Variants in CNBD1 observed in about 807,000 individuals in gnomAD.
The protein encoded by CNBD1 is cyclic nucleotide-binding domain-containing protein 1.
A neutral mutation model predicts 54.4 loss-of-function variants in CNBD1; 71 were observed. That is an observed-to-expected ratio of 1.30 (90% CI 1.08 to 1.59). CNBD1 has a LOEUF of 1.59. CNBD1 is among the 40% of genes most tolerant of loss of function. The probability of loss-of-function intolerance (pLI) is 0.00; values close to 1 mark genes in which losing one functional copy is unlikely to be tolerated. For missense variants in CNBD1, 659 were observed against 518.0 expected (o/e 1.27, Z -2.64); for synonymous variants, 182 against 170.7 (o/e 1.07, Z -0.51).
At chr8:87,303,806 C>T (rs1376348409) in intron 8 of CNBD1, among the ~76,000 whole-genome samples, 2 of 151,192 alleles carry the variant, frequency 1.3e-5, no homozygotes, top group Admixed American at 6.6e-5. Context: ...AAATAAACAA[C>T]CCCATCAACA....
intron 8 of CNBD1, among the ~76,000 whole-genome samples, chr8:87,321,513 A>C (rs918976626): frequency 6.6e-6 from 1 of 152,082 alleles, no homozygotes; most frequent in Non-Finnish European, 1.5e-5. Flanking sequence ...ATCTATTCAA[A>C]TCTCTTGCCC....
intron 6 of CNBD1, among the ~76,000 whole-genome samples, chr8:87,249,797 TTAA>T (rs1480745163): frequency 2.0e-5 from 3 of 152,152 alleles, no homozygotes; most frequent in African/African-American, 7.2e-5. Flanking sequence ...GCAAGATAAC[TTAA>T]TCATCCAGTA....
rs149300467 is a variant in CNBD1 at position 87,238,595 on chromosome 8, A to C, written c.771+1483A>C. On this transcript the variant is annotated intron_variant, in intron 6 of 10. Transcript: ENST00000518476. ...AATAAAAAAATACTTGCAGAGGTTG[A>C]GACTGCTATAGCAGAGCTCCAGAGA... Among the ~76,000 whole-genome samples, 168 of 152,246 alleles carry C rather than the reference A, an allele frequency of 1.1e-3. 1 individual carries two copies. Among genetic ancestry groups the C allele is most frequent in the African/African-American group, 3.9e-3 (161 of 41,554 alleles).
chr8:87,410,013 ACT>A (rs201725422), intron 2 of CNBD1, among the ~76,000 whole-genome samples: 3,323 of 151,524 alleles, frequency 0.022, 52 homozygotes, highest in Non-Finnish European at 0.032. Context: ...ACAGAGCGAG[ACT>A]CTGTTTCAAA....
At chr8:87,410,194 A>G (rs903577505) in intron 2 of CNBD1, among the ~76,000 whole-genome samples, 1 of 152,148 alleles carries the variant, frequency 6.6e-6, no homozygotes, top group African/African-American at 2.4e-5. Context: ...ATAGTCAACC[A>G]AGAGCTCTGA....
At chr8:86,994,495 G>A (rs991665929) in intron 4 of CNBD1, among the ~76,000 whole-genome samples, 1 of 152,210 alleles carries the variant, frequency 6.6e-6, no homozygotes, top group Admixed American at 6.5e-5. Flanking sequence ...GGGCACAAAG[G>A]CCTCTGGCTC....
intron 4 of CNBD1, among the ~76,000 whole-genome samples, chr8:87,049,078 C>T (rs1344255363): frequency 6.6e-6 from 1 of 152,202 alleles, no homozygotes; most frequent in East Asian, 1.9e-4. Flanking sequence ...CAGAAGAATA[C>T]TGAGGTCTTA....
Position 87,423,919 on chromosome 8 carries a change from G to A in CNBD1, c.214-4627G>A, listed in dbSNP as rs1005959688. 3.0e-3 allele frequency among the ~76,000 whole-genome samples: 453 copies of A among 152,276 alleles called. 4 individuals are homozygous for A. Among genetic ancestry groups the A allele is most frequent in the African/African-American group, 9.7e-3 (405 of 41,542 alleles). ...GCCATCTAGTCCTGGACTCTTTTTG[G>A]TTGGTAAGCTATTGATTATTGCCAC... On this transcript the variant is annotated intron_variant, in intron 2 of 7. Coordinates refer to the CNBD1 transcript ENST00000521593.
intron 8 of CNBD1, among the ~76,000 whole-genome samples, chr8:87,334,194 G>C (rs1163878576): frequency 1.3e-5 from 2 of 151,970 alleles, no homozygotes; most frequent in Non-Finnish European, 2.9e-5. Context: ...ATTCTCTGAT[G>C]GTAGCTTGTA....
intron 6 of CNBD1, among the ~76,000 whole-genome samples, chr8:87,271,073 A>T (rs1808353149): frequency 1.3e-5 from 2 of 151,176 alleles, no homozygotes; most frequent in Admixed American, 1.3e-4. Flanking sequence ...GTTGTTTGTA[A>T]TTCTCTCTAA....
rs1227717690 is a variant in CNBD1 at position 87,034,701 on chromosome 8, A to T, written c.431+94947A>T. On this transcript the variant is annotated intron_variant, in intron 4 of 10. Transcript: ENST00000518476. ...TATTATTTGCATGCATGACATACTT[A>T]AACTTTCTTAAATTTTTTTATGTTC... Among the ~76,000 whole-genome samples the T allele has an allele frequency of 5.3e-5, 8 of 152,214 alleles. No homozygotes were observed. The South Asian group carries it at 1.2e-3, about 24-fold the overall frequency.
chr8:87,071,349 A>C (rs1295083394), intron 4 of CNBD1, among the ~76,000 whole-genome samples: 1 of 152,114 alleles, frequency 6.6e-6, no homozygotes, highest in East Asian at 1.9e-4. Context: ...TCATTGCTGC[A>C]ATTCAGACAT....
chr8:87,229,255 C>G (rs184826704), intron 5 of CNBD1, among the ~76,000 whole-genome samples: 4 of 152,066 alleles, frequency 2.6e-5, no homozygotes, highest in African/African-American at 9.7e-5. Context: ...TGTTCCTATT[C>G]GGCCATCTTG....
intron 4 of CNBD1, among the ~76,000 whole-genome samples, chr8:86,963,208 A>T (rs1807978251): frequency 6.6e-6 from 1 of 152,104 alleles, no homozygotes; most frequent in Admixed American, 6.5e-5. Context: ...ATGAAGTTGG[A>T]GGCATAGCTG....
chr8:87,351,536 T>C, intron 8 of CNBD1, 149 bp from the exon 9 acceptor site: 1 of 642,864 alleles, frequency 1.6e-6, no homozygotes, highest in Non-Finnish European at 2.4e-6. Context: ...TTACATCTTG[T>C]ATTAAGTACT....
intron 4 of CNBD1, among the ~76,000 whole-genome samples, chr8:87,203,508 A>G (rs1181669299): frequency 6.6e-6 from 1 of 152,216 alleles, no homozygotes; most frequent in Non-Finnish European, 1.5e-5. Flanking sequence ...TGACAACAGA[A>G]TGATTCTGAA....
At chr8:87,169,365 CT>C (rs2130766779) in intron 4 of CNBD1, among the ~76,000 whole-genome samples, 1 of 152,138 alleles carries the variant, frequency 6.6e-6, no homozygotes, top group East Asian at 1.9e-4. Context: ...GTTGATACTT[CT>C]TTTTGTTCAT....
At chr8:87,212,831 A>G (rs1814129536) in intron 5 of CNBD1, among the ~76,000 whole-genome samples, 1 of 152,192 alleles carries the variant, frequency 6.6e-6, no homozygotes, top group Non-Finnish European at 1.5e-5. Flanking sequence ...AGTACAAGAG[A>G]CAAAGAAAAA....
At chr8:86,922,661 A>G (rs1363027230) in intron 3 of CNBD1, among the ~76,000 whole-genome samples, 1 of 152,182 alleles carries the variant, frequency 6.6e-6, no homozygotes, top group Non-Finnish European at 1.5e-5. Context: ...GAGTTAAAAA[A>G]AAATCCACTT....
Sources: allele counts gnomAD v4.1 joint callset (sites outside exome capture counted in the v4.1 genomes callset), GRCh38; gene constraint gnomAD v4.1.1; transcripts MANE v1.5; gene names NCBI Gene and HGNC (gene_info 2026-07-23, HGNC 2026-07-21).